Variants in TENM3 observed in about 807,000 individuals in gnomAD.
The protein encoded by TENM3 is teneurin-3.
A neutral mutation model predicts 255.1 loss-of-function variants in TENM3; 63 were observed. The ratio of observed to expected loss-of-function variants is 0.25; its 90% CI spans 0.20 to 0.30. The LOEUF is 0.30. Among genes scored for constraint, TENM3 ranks in the 10% least tolerant of loss-of-function variants. The probability of loss-of-function intolerance (pLI) is 1.00; values close to 1 mark genes in which losing one functional copy is unlikely to be tolerated. For synonymous variants in TENM3, 1,306 were observed against 1,322.3 expected, an observed-to-expected ratio of 0.99 and a Z score of 0.27; for missense variants, 2,929 against 3,461.1, an observed-to-expected ratio of 0.85 and a Z score of 3.86.
chr4:181,503,477 T>G, the TENM3 span, among the ~76,000 whole-genome samples: 1 of 152,216 alleles, frequency 6.6e-6, no homozygotes, highest in Non-Finnish European at 1.5e-5. Flanking sequence ...CAAAACCAAA[T>G]GGTGAGATGT....
chr4:182,595,131 A>G (rs983526211), intron 3 of TENM3, among the ~76,000 whole-genome samples: 3 of 152,164 alleles, frequency 2.0e-5, no homozygotes, highest in Non-Finnish European at 4.4e-5. Flanking sequence ...TATGCAAGAA[A>G]ATATCCCACG....
rs1242840827 is a variant in TENM3, at chr4:182,792,688, C to T, written c.6016C>T (p.Arg2006Cys). ...TCCCCTGATTGACAGGCAGATTTTC[C>T]GCTTTAGTGAAGATGGGATGGTAAA... ...IGPLIDRQIF[R>C]FSEDGMVNAR... Residue 2006 changes from arginine (R) to cysteine (C), a missense_variant, in exon 26 of 28, where the codon CGC becomes TGC. Arg to Cys is a radical substitution (Grantham distance 180). Coordinates refer to ENST00000511685, the MANE Select transcript of TENM3 (RefSeq NM_001080477.4). The surrounding 1 kb of genome is among the most constrained non-coding windows in gnomAD (Gnocchi z 6.3). 3.7e-6 allele frequency: 6 copies of T among 1,613,864 alleles called. No homozygotes were observed. The highest frequency in any genetic ancestry group is 3.4e-6 in the Non-Finnish European group (4 of 1,179,886).
the TENM3 span, among the ~76,000 whole-genome samples, chr4:182,138,911 A>G: frequency 6.6e-6 from 1 of 152,232 alleles, no homozygotes; most frequent in Admixed American, 6.5e-5. Context: ...TAAAAACTTC[A>G]TGGTCAGAGA....
At chr4:182,519,617 A>G (rs1010523854) in intron 3 of TENM3, among the ~76,000 whole-genome samples, 25 of 152,322 alleles carry the variant, frequency 1.6e-4, no homozygotes, top group African/African-American at 2.4e-4. Flanking sequence ...TCTTTCTGAG[A>G]ATTCCACTTC....
chr4:181,982,257 C>T, the TENM3 span, among the ~76,000 whole-genome samples: 1 of 152,058 alleles, frequency 6.6e-6, no homozygotes, highest in South Asian at 2.1e-4. Flanking sequence ...GACAAAAAGA[C>T]CACGTTGAAC....
At chr4:182,614,040 A>G (rs1310622132) in intron 4 of TENM3, among the ~76,000 whole-genome samples, 4 of 152,224 alleles carry the variant, frequency 2.6e-5, no homozygotes, top group Non-Finnish European at 5.9e-5. Context: ...GTAGTTTATC[A>G]GTCTCACTAA....
the TENM3 span, among the ~76,000 whole-genome samples, chr4:181,720,289 AG>A: frequency 6.6e-6 from 1 of 152,240 alleles, no homozygotes; most frequent in Non-Finnish European, 1.5e-5. Context: ...ATTCCATGTT[AG>A]TACTGTTATA....
chr4:181,541,197 G>A, the TENM3 span, among the ~76,000 whole-genome samples: 2 of 151,796 alleles, frequency 1.3e-5, no homozygotes, highest in Admixed American at 6.6e-5. Flanking sequence ...AATATAATGA[G>A]ATTCTCTCTC....
chr4:182,563,642 C>T (rs1218832815), intron 3 of TENM3, among the ~76,000 whole-genome samples: 2 of 152,138 alleles, frequency 1.3e-5, no homozygotes, highest in African/African-American at 4.8e-5. Context: ...GGGGCAGTTA[C>T]TATTAACTTG....
At chr4:181,561,884 A>G in the TENM3 span, among the ~76,000 whole-genome samples, 2 of 152,212 alleles carry the variant, frequency 1.3e-5, no homozygotes, top group African/African-American at 4.8e-5. Flanking sequence ...ACCATCTGGG[A>G]AGATAACAAT....
At chr4:181,951,017 G>A in the TENM3 span, among the ~76,000 whole-genome samples, 13 of 152,226 alleles carry the variant, frequency 8.5e-5, no homozygotes, top group East Asian at 2.5e-3. Flanking sequence ...ACTCCAGCCT[G>A]GGCAACAGAG....
the TENM3 span, among the ~76,000 whole-genome samples, chr4:181,725,875 G>A: frequency 4.6e-5 from 7 of 152,140 alleles, no homozygotes; most frequent in South Asian, 6.2e-4. Context: ...ATACCAGTAC[G>A]ATAGTATTTT....
At chr4:182,060,155 T>G in the TENM3 span, among the ~76,000 whole-genome samples, 1 of 152,026 alleles carries the variant, frequency 6.6e-6, no homozygotes, top group Non-Finnish European at 1.5e-5. Flanking sequence ...AAGGATCGCT[T>G]AAGTCCAGGA....
At chr4:181,912,619 C>T in the TENM3 span, among the ~76,000 whole-genome samples, 2 of 151,644 alleles carry the variant, frequency 1.3e-5, no homozygotes, top group Non-Finnish European at 2.9e-5. Context: ...ATAGTGAAAC[C>T]CTGTCTCTAC....
intron 3 of TENM3, among the ~76,000 whole-genome samples, chr4:182,530,924 G>A (rs1043160580): frequency 5.3e-5 from 8 of 152,196 alleles, no homozygotes; most frequent in East Asian, 1.9e-4. Context: ...AAATCAAATC[G>A]TTTTTGTTGA....
At chr4:181,888,617 T>TGTGTGTGTGG in the TENM3 span, among the ~76,000 whole-genome samples, 1 of 103,112 alleles carries the variant, frequency 9.7e-6, no homozygotes, top group Non-Finnish European at 2.1e-5. Flanking sequence ...TGTGTGTGTG[T>TGTGTGTGTGG]GGAAAGAGAG....
intron 22 of TENM3, among the ~76,000 whole-genome samples, chr4:182,764,488 T>C (rs1432677723): frequency 3.3e-5 from 5 of 152,060 alleles, no homozygotes; most frequent in Admixed American, 2.0e-4. Context: ...CTAAATCCGA[T>C]TGAGAACTGG....
the TENM3 span, among the ~76,000 whole-genome samples, chr4:181,692,618 C>T: frequency 4.6e-5 from 7 of 152,024 alleles, no homozygotes; most frequent in Admixed American, 4.6e-4. Context: ...AATCTGTGTC[C>T]TTGTATGCAT....
the TENM3 span, among the ~76,000 whole-genome samples, chr4:182,001,204 A>T: frequency 3.3e-5 from 5 of 151,962 alleles, no homozygotes; most frequent in African/African-American, 1.2e-4. Flanking sequence ...CAAATATAAA[A>T]TATTTTCTCT....
Sources: allele counts gnomAD v4.1 joint callset (sites outside exome capture counted in the v4.1 genomes callset), GRCh38; gene constraint gnomAD v4.1.1; non-coding constraint Gnocchi (gnomAD v3.1); transcripts MANE v1.5; gene names NCBI Gene and HGNC (gene_info 2026-07-23, HGNC 2026-07-21).